The following MCU variants were observed in gnomAD, a reference collection of about 807,000 sequenced individuals.
The protein encoded by MCU is calcium uniporter protein, mitochondrial.
A neutral mutation model predicts 45.2 loss-of-function variants in MCU; 12 were observed. The ratio of observed to expected loss-of-function variants is 0.27; its 90% confidence interval spans 0.17 to 0.43. The LOEUF (loss-of-function observed/expected upper bound fraction) is 0.43, where lower values mean the gene tolerates loss of function less well. Ranked by LOEUF, MCU falls within the 20% of genes least tolerant of loss-of-function variation. MCU has a pLI of 1.00. For missense variants in MCU, 324 were observed against 436.7 expected (o/e 0.74, Z 2.30); for synonymous variants, 160 against 165.1 (o/e 0.97, Z 0.24).
At chr10:72,812,676 GACAT>G (rs532624561) in intron 1 of MCU, among the ~76,000 whole-genome samples, 17 of 152,280 alleles carry the variant, frequency 1.1e-4, no homozygotes, top group African/African-American at 4.1e-4. Flanking sequence ...GCTGTTTTCT[GACAT>G]AAAGGGCTGT....
At chr10:72,792,323 A>G (rs926150872) in intron 1 of MCU, among the ~76,000 whole-genome samples, 2 of 152,230 alleles carry the variant, frequency 1.3e-5, no homozygotes. Flanking sequence ...GATATTTTGA[A>G]GCAGGGGCTT....
chr10:72,859,413 A>T (rs1319169691), intron 3 of MCU, 66 bp downstream of exon 3: 2 of 1,420,886 alleles, frequency 1.4e-6, no homozygotes, highest in Admixed American at 4.2e-5. Context: ...TTCTAGACAC[A>T]TACATACACC....
At chr10:72,883,218 G>T (rs1333211815) in intron 6 of MCU, among the ~76,000 whole-genome samples, 1 of 152,160 alleles carries the variant, frequency 6.6e-6, no homozygotes, top group Non-Finnish European at 1.5e-5. Context: ...CTAGAACTGG[G>T]GGTTTGGGGG....
intron 1 of MCU, among the ~76,000 whole-genome samples, chr10:72,789,425 A>G (rs936413468): frequency 2.0e-5 from 3 of 152,144 alleles, no homozygotes; most frequent in Non-Finnish European, 2.9e-5. Flanking sequence ...ATGTTTAGCT[A>G]CCTTAGCTTT....
chr10:72,724,705 T>G (rs995969818), intron 1 of MCU, among the ~76,000 whole-genome samples: 11 of 152,238 alleles, frequency 7.2e-5, no homozygotes, highest in African/African-American at 2.7e-4. Flanking sequence ...TAGATTAGAT[T>G]TATTCCTTCT....
At chr10:72,759,064 G>T (rs1213158999) in intron 1 of MCU, among the ~76,000 whole-genome samples, 1 of 152,142 alleles carries the variant, frequency 6.6e-6, no homozygotes, top group East Asian at 1.9e-4. Flanking sequence ...TCTGCATGTA[G>T]GGTAATAGTA....
chr10:72,702,316 A>G (rs1842768624), intron 1 of MCU, among the ~76,000 whole-genome samples: 1 of 152,170 alleles, frequency 6.6e-6, no homozygotes, highest in Non-Finnish European at 1.5e-5. Flanking sequence ...AAACCTGGTA[A>G]TTACTGAGTT....
At chr10:72,820,262 A>G (rs74145970) in intron 1 of MCU, among the ~76,000 whole-genome samples, 5,736 of 152,242 alleles carry the variant, frequency 0.038, 373 homozygotes, top group African/African-American at 0.13. Flanking sequence ...GCCGGGTACC[A>G]TAGGAACTAT....
intron 1 of MCU, chr10:72,692,774 G>A (rs1009300976): frequency 3.6e-6 from 5 of 1,381,402 alleles, no homozygotes; most frequent in Admixed American, 3.1e-5. Context: ...GCTGGGAGCT[G>A]CCCCGGAGAG....
chr10:72,796,330 A>G (rs963876002), intron 1 of MCU, among the ~76,000 whole-genome samples: 3 of 152,068 alleles, frequency 2.0e-5, no homozygotes, highest in South Asian at 2.1e-4. Context: ...TCTTACCTGC[A>G]TGGGAGGCAG....
chr10:72,865,713 A>AT (rs1159130021), intron 4 of MCU, among the ~76,000 whole-genome samples: 1 of 140,368 alleles, frequency 7.1e-6, no homozygotes, highest in African/African-American at 2.7e-5. Flanking sequence ...CAAATTTTTT[A>AT]TTTTTTGTAG....
In MCU at chr10:72,805,077, G is replaced by GTTTC. The variant is rs141690879; in HGVS notation, c.151-29260_151-29257dup. On this transcript the variant is annotated intron_variant, in intron 1 of 7. Transcript: ENST00000373053. ...GAGCCACCTCACCTGGCCCTAGTTT[G>GTTTC]TTTCTTTCTTTCTTTCTTTCTTTCT... Among the ~76,000 whole-genome samples the GTTTC allele has an allele frequency of 3.1e-3, 434 of 140,984 alleles. 1 individual carries two copies. Among genetic ancestry groups the GTTTC allele is most frequent in the African/African-American group, 3.9e-3 (145 of 37,458 alleles). 92.5% of individuals were successfully genotyped at this position (140,984 alleles called of 152,430 possible).
intron 2 of MCU, among the ~76,000 whole-genome samples, chr10:72,841,320 G>A (rs1589490498): frequency 6.7e-6 from 1 of 149,722 alleles, no homozygotes; most frequent in African/African-American, 2.5e-5. Flanking sequence ...TTTTTTTTTT[G>A]AGATGGAGTT....
intron 1 of MCU, among the ~76,000 whole-genome samples, chr10:72,748,610 A>G (rs1044715112): frequency 1.2e-4 from 19 of 152,168 alleles, no homozygotes; most frequent in African/African-American, 4.6e-4. Flanking sequence ...TGAACCCAGG[A>G]GTTTGAGACC....
chr10:72,819,229 C>G (rs1589478300), intron 1 of MCU, among the ~76,000 whole-genome samples: 1 of 152,138 alleles, frequency 6.6e-6, no homozygotes, highest in Non-Finnish European at 1.5e-5. Context: ...GCAGGCCATA[C>G]AAGTTTGCTA....
chr10:72,824,036 G>A (rs1338273258), intron 1 of MCU, among the ~76,000 whole-genome samples: 2 of 152,162 alleles, frequency 1.3e-5, no homozygotes, highest in South Asian at 2.1e-4. Flanking sequence ...TGATGGCAGA[G>A]TGAGACCCTG....
intron 2 of MCU, among the ~76,000 whole-genome samples, chr10:72,854,826 C>A (rs1845262977): frequency 6.6e-6 from 1 of 152,186 alleles, no homozygotes; most frequent in African/African-American, 2.4e-5. Context: ...TGCTTTTGCA[C>A]CACAGTAACA....
At chr10:72,834,226 T>C (rs1205894474) in intron 1 of MCU, 133 bp from the exon 2 acceptor site, 10 of 513,298 alleles carry the variant, frequency 1.9e-5, no homozygotes, top group Non-Finnish European at 3.0e-5. Context: ...TTCTTTTATC[T>C]GTATTTTTAA....
intron 2 of MCU, among the ~76,000 whole-genome samples, chr10:72,857,069 C>T (rs1439661168): frequency 6.6e-6 from 1 of 152,020 alleles, no homozygotes; most frequent in East Asian, 1.9e-4. Flanking sequence ...GCCTCAGCCT[C>T]CTGAGTAGCT....
Sources: allele counts gnomAD v4.1 joint callset (sites outside exome capture counted in the v4.1 genomes callset), GRCh38; gene constraint gnomAD v4.1.1; transcripts MANE v1.5; gene names NCBI Gene and HGNC (gene_info 2026-07-23, HGNC 2026-07-21).